STPG2: variants seen among roughly 807,000 people sequenced by gnomAD.
The protein encoded by STPG2 is sperm-tail PG-rich repeat-containing protein 2.
In STPG2, 56 loss-of-function variants were observed where a neutral mutation model predicts 54.2. That is an observed-to-expected ratio of 1.03 (90% CI 0.83 to 1.29). The LOEUF is 1.29. Among genes scored for constraint, STPG2 ranks in the 50% most tolerant of loss-of-function variants. The pLI, the probability that STPG2 is intolerant of heterozygous loss-of-function variation, is 0.00. For synonymous variants in STPG2, 200 were observed against 181.8 expected (o/e 1.10, Z -0.81); for missense variants, 596 against 544.9 (o/e 1.09, Z -0.93).
chr4:97,947,800 G>A (rs1343190937), intron 7 of STPG2, among the ~76,000 whole-genome samples: 2 of 151,980 alleles, frequency 1.3e-5, no homozygotes, highest in African/African-American at 4.8e-5. Flanking sequence ...GATAGATTCA[G>A]CTATCTAGTA....
chr4:97,486,936 G>A (rs915112339), intron 4 of STPG2, among the ~76,000 whole-genome samples: 4 of 146,682 alleles, frequency 2.7e-5, no homozygotes, highest in African/African-American at 5.0e-5. Flanking sequence ...ATGAATTAAC[G>A]CATTTTCTGT....
chr4:97,823,606 A>G (rs954378659), intron 9 of STPG2, among the ~76,000 whole-genome samples: 1 of 152,094 alleles, frequency 6.6e-6, no homozygotes, highest in Non-Finnish European at 1.5e-5. Flanking sequence ...TTCACCTTGA[A>G]TTCTTTTTTG....
intron 8 of STPG2, among the ~76,000 whole-genome samples, chr4:97,918,462 CA>C (rs1338620900): frequency 6.6e-6 from 1 of 152,056 alleles, no homozygotes; most frequent in Non-Finnish European, 1.5e-5. Context: ...TACACACACA[CA>C]AACACACACA....
chr4:97,561,544 A>T (rs1368553883), intron 10 of STPG2, among the ~76,000 whole-genome samples: 2 of 152,124 alleles, frequency 1.3e-5, no homozygotes, highest in African/African-American at 2.4e-5. Context: ...CTGAATGGTA[A>T]TGCCTAGGTT....
At chr4:98,032,219 T>C (rs1197833986) in intron 5 of STPG2, among the ~76,000 whole-genome samples, 1 of 152,154 alleles carries the variant, frequency 6.6e-6, no homozygotes, top group East Asian at 1.9e-4. Flanking sequence ...TATTGGTATC[T>C]ACCCAGAGGA....
intron 5 of STPG2, among the ~76,000 whole-genome samples, chr4:98,039,456 A>T (rs888894535): frequency 7.6e-5 from 5 of 65,460 alleles, no homozygotes; most frequent in African/African-American, 3.3e-4. Context: ...GTACATATAC[A>T]TATTTCTTTT....
At chr4:97,997,716 G>A (rs1284975481) in intron 5 of STPG2, among the ~76,000 whole-genome samples, 3 of 152,176 alleles carry the variant, frequency 2.0e-5, no homozygotes, top group Non-Finnish European at 4.4e-5. Flanking sequence ...CAGCAACATA[G>A]ATGGAGCTGG....
intron 5 of STPG2, among the ~76,000 whole-genome samples, chr4:98,029,152 TG>T (rs1293700214): frequency 3.3e-5 from 5 of 152,180 alleles, no homozygotes; most frequent in African/African-American, 9.6e-5. Context: ...ATGCGTATTA[TG>T]CATATTTAAA....
intron 8 of STPG2, among the ~76,000 whole-genome samples, chr4:97,924,130 G>A (rs1732241855): frequency 6.6e-6 from 1 of 152,148 alleles, no homozygotes; most frequent in African/African-American, 2.4e-5. Flanking sequence ...CTTCACTCCT[G>A]AGGTCAGCGA....
chr4:97,570,568 T>A (rs1435148422), intron 10 of STPG2, among the ~76,000 whole-genome samples: 1 of 151,974 alleles, frequency 6.6e-6, no homozygotes, highest in Non-Finnish European at 1.5e-5. Context: ...AAGTTTTTTT[T>A]TTTTTCCTGC....
chr4:97,967,335 C>A (rs148082299), intron 7 of STPG2, among the ~76,000 whole-genome samples: 295 of 152,186 alleles, frequency 1.9e-3, no homozygotes, highest in African/African-American at 7.0e-3. Context: ...TATATATGCA[C>A]CCAATACAGG....
At chr4:97,644,834 C>G (rs1721865543) in intron 10 of STPG2, among the ~76,000 whole-genome samples, 1 of 151,948 alleles carries the variant, frequency 6.6e-6, no homozygotes, top group Non-Finnish European at 1.5e-5. Context: ...AACTTTTGGT[C>G]AAGATAGGTA....
intron 8 of STPG2, among the ~76,000 whole-genome samples, chr4:97,841,566 C>T (rs1049731835): frequency 1.3e-5 from 2 of 151,742 alleles, no homozygotes; most frequent in African/African-American, 4.8e-5. Context: ...TCAGTGAAAA[C>T]TTTTTTAAAC....
intron 4 of STPG2, among the ~76,000 whole-genome samples, chr4:97,526,073 T>G (rs184313895): frequency 6.6e-6 from 1 of 152,244 alleles, no homozygotes; most frequent in Non-Finnish European, 1.5e-5. Context: ...ATATTCACTA[T>G]GTAGTTCAAC....
At chr4:98,089,725 T>TA (rs60176534) in intron 5 of STPG2, among the ~76,000 whole-genome samples, 158 of 148,466 alleles carry the variant, frequency 1.1e-3, no homozygotes, top group African/African-American at 3.7e-3. Flanking sequence ...TTTTTTTTTT[T>TA]ACTTTCTAAT....
intron 4 of STPG2, among the ~76,000 whole-genome samples, chr4:98,107,801 A>G (rs189690358): frequency 6.6e-6 from 1 of 151,984 alleles, no homozygotes; most frequent in Non-Finnish European, 1.5e-5. Flanking sequence ...GCATGAGCAC[A>G]AATCAGCCAA....
chr4:97,954,441 T>C (rs1278698048), intron 7 of STPG2, among the ~76,000 whole-genome samples: 1 of 152,190 alleles, frequency 6.6e-6, no homozygotes, highest in African/African-American at 2.4e-5. Context: ...AATTGCACAT[T>C]TGAGGAGCCT....
chr4:98,061,388 A>G (rs551285497), intron 5 of STPG2, among the ~76,000 whole-genome samples: 99 of 152,286 alleles, frequency 6.5e-4, no homozygotes, highest in African/African-American at 2.1e-3. Flanking sequence ...CACACTGCAG[A>G]GCAGGAGGAA....
chr4:98,020,454 A>G (rs1289744216), intron 5 of STPG2, among the ~76,000 whole-genome samples: 3 of 150,954 alleles, frequency 2.0e-5, no homozygotes, highest in Non-Finnish European at 4.4e-5. Context: ...CTCAATGTTC[A>G]TCAAGGATAT....
Sources: gnomAD v4.1 joint callset for allele counts (sites outside exome capture counted in the v4.1 genomes callset) on GRCh38, gnomAD v4.1.1 for gene constraint, MANE v1.5 for transcripts, NCBI Gene and HGNC (gene_info 2026-07-23, HGNC 2026-07-21) for gene names.